The following HADHB variants were observed in gnomAD, a reference collection of about 807,000 sequenced individuals.
HADHB encodes the protein trifunctional enzyme subunit beta, mitochondrial.
A neutral mutation model predicts 61.9 loss-of-function variants in HADHB; 50 were observed. The observed-to-expected ratio is 0.81, with a 90% CI of 0.64 to 1.02. The LOEUF is 1.02. Ranked by LOEUF, HADHB falls within the 50% of genes least tolerant of loss-of-function variation. The pLI is 0.00. For missense variants in HADHB, 504 were observed against 586.5 expected (o/e 0.86, Z 1.45); for synonymous variants, 191 against 201.6 (o/e 0.95, Z 0.45).
intron 3 of HADHB, among the ~76,000 whole-genome samples, chr2:26,262,891 C>A (rs527378187): frequency 1.3e-5 from 2 of 152,036 alleles, no homozygotes; most frequent in South Asian, 2.1e-4. Flanking sequence ...TAGAAACTTA[C>A]AAATGCTAGT....
intron 4 of HADHB, 60 bp downstream of exon 4, chr2:26,263,539 C>T: frequency 9.6e-7 from 1 of 1,046,942 alleles, no homozygotes; most frequent in Admixed American, 1.7e-5. Flanking sequence ...CAAAAGTAGT[C>T]TTTGTAAATG....
At chr2:26,245,155 T>C (rs1671075852) in intron 1 of HADHB, 165 bp downstream of exon 1, 1 of 215,346 alleles carries the variant, frequency 4.6e-6, no homozygotes, top group South Asian at 6.7e-5. Flanking sequence ...CAGTGCTAGC[T>C]GCAGTTAGGA....
intron 3 of HADHB, among the ~76,000 whole-genome samples, chr2:26,260,236 C>A (rs562697843): frequency 2.0e-5 from 3 of 151,806 alleles, no homozygotes; most frequent in East Asian, 1.9e-4. Flanking sequence ...AGCGTACCAC[C>A]GTGCCCAGCT....
chr2:26,245,632 G>A (rs1671118784), intron 1 of HADHB, among the ~76,000 whole-genome samples: 1 of 151,982 alleles, frequency 6.6e-6, no homozygotes, highest in African/African-American at 2.4e-5. Context: ...TTTTACCCAT[G>A]GCCATATGTA....
chr2:26,251,519 TC>T (rs1205409554), intron 1 of HADHB, among the ~76,000 whole-genome samples: 1 of 152,094 alleles, frequency 6.6e-6, no homozygotes, highest in Non-Finnish European at 1.5e-5. Context: ...GCAACAAGGT[TC>T]CCCCTTTTGT....
At chr2:26,270,022 G>T (rs112452535) in intron 5 of HADHB, 25 bp downstream of exon 5, 1 of 1,516,720 alleles carries the variant, frequency 6.6e-7, no homozygotes, top group Non-Finnish European at 9.2e-7. Flanking sequence ...TTTCATTTCC[G>T]TTCTTATTTC....
intron 3 of HADHB, 41 bp from the exon 4 acceptor site, chr2:26,263,339 A>T: frequency 8.7e-7 from 1 of 1,143,674 alleles, no homozygotes; most frequent in Non-Finnish European, 1.3e-6. Context: ...GACTTTATAT[A>T]TTTTAATTAG....
intron 4 of HADHB, among the ~76,000 whole-genome samples, chr2:26,267,273 G>A (rs1021382074): frequency 2.0e-5 from 3 of 152,020 alleles, no homozygotes; most frequent in Admixed American, 6.6e-5. Flanking sequence ...AATGATTAGG[G>A]CTGAGCCAGA....
intron 8 of HADHB, 42 bp from the exon 9 acceptor site, chr2:26,279,093 C>A: frequency 1.3e-6 from 2 of 1,486,702 alleles, no homozygotes; most frequent in Non-Finnish European, 1.9e-6. Context: ...AGCATAACAC[C>A]GGTTAACAGT....
At chr2:26,274,434 C>T (rs1389913665) in intron 6 of HADHB, among the ~76,000 whole-genome samples, 2 of 152,208 alleles carry the variant, frequency 1.3e-5, no homozygotes, top group Non-Finnish European at 2.9e-5. Context: ...TAGTTCTGGT[C>T]TGTGCTTGCC....
rs535007768 is a variant in HADHB at position 26,255,704 on chromosome 2, C to G, written c.109+1230C>G. On this transcript the variant is annotated intron_variant, in intron 3 of 15. Transcript: ENST00000317799. ...TCAGCCTCATATAGTTATGAGATAT[C>G]TCAAAGCACTTTAAAAACTATAAAT... 5.3e-5 allele frequency among the ~76,000 whole-genome samples: 8 copies of G among 152,224 alleles called. No homozygotes were observed. In the South Asian group the frequency reaches 1.5e-3, roughly 28 times the overall value.
intron 1 of HADHB, among the ~76,000 whole-genome samples, chr2:26,247,000 TTA>T (rs1574635436): frequency 6.6e-6 from 1 of 152,238 alleles, no homozygotes; most frequent in African/African-American, 2.4e-5. Flanking sequence ...AGTAACTGGC[TTA>T]AAGTCATACA....
At position 26,261,212 on chromosome 2, in the gene HADHB, A is replaced by AC. The variant is rs70950178; in HGVS notation, c.110-2158dup. On this transcript the variant is annotated intron_variant, in intron 3 of 15. Coordinates refer to ENST00000317799, the MANE Select transcript of HADHB (RefSeq NM_000183.3). Reference sequence around the variant, plus strand: ...CCAAAACAACAACAACACAACAAATACCCCCCCCCCATCCAGACAAACAAA... The same window carrying AC: ...CCAAAACAACAACAACACAACAAATACCCCCCCCCCCATCCAGACAAACAAA... The AC allele has an allele frequency of 0.17, 61,203 of 364,050 alleles. 1,807 individuals carry two copies. Among genetic ancestry groups the AC allele is most frequent in the Non-Finnish European group, 0.2 (40,966 of 204,040 alleles). 22.6% of individuals were successfully genotyped at this position (364,050 alleles called of 1,614,324 possible).
intron 7 of HADHB, among the ~76,000 whole-genome samples, chr2:26,277,384 C>A (rs1672574228): frequency 6.6e-6 from 1 of 151,882 alleles, no homozygotes; most frequent in Non-Finnish European, 1.5e-5. Context: ...TCTACAGGTG[C>A]TCCACCACAC....
intron 3 of HADHB, among the ~76,000 whole-genome samples, chr2:26,259,827 G>A (rs375974735): frequency 3.3e-5 from 5 of 152,210 alleles, no homozygotes; most frequent in Admixed American, 1.3e-4. Context: ...GAATGTGAAC[G>A]AGGCCCAAGA....
Position 26,282,874 on chromosome 2 carries a change from G to A in HADHB, c.963G>A (p.Met321Ile). Residue 321 changes from methionine to isoleucine, a missense_variant, in exon 11 of 16, where the codon ATG (methionine) becomes ATA (isoleucine). Coordinates refer to ENST00000317799, the MANE Select transcript of HADHB (RefSeq NM_000183.3). ...LTDGASAMLI[M>I]AEEKALAMGY... ...ATGGTGCATCTGCAATGTTAATCAT[G>A]GCGGAGGAAAAGGCTCTGGCCATGG... 1 of 1,613,048 alleles carries A rather than the reference G, an allele frequency of 6.2e-7. No homozygotes were observed. Among genetic ancestry groups the A allele is most frequent in the Non-Finnish European group, 8.5e-7 (1 of 1,179,220 alleles).
intron 1 of HADHB, among the ~76,000 whole-genome samples, chr2:26,245,967 G>T (rs1294259400): frequency 6.6e-6 from 1 of 152,174 alleles, no homozygotes; most frequent in African/African-American, 2.4e-5. Context: ...AGCTCTGCAG[G>T]ACAGGAAACA....
intron 15 of HADHB, 66 bp downstream of exon 15, chr2:26,285,637 A>T: frequency 8.2e-7 from 1 of 1,213,094 alleles, no homozygotes; most frequent in Non-Finnish European, 1.1e-6. Context: ...AGAATGTATG[A>T]TTTAGTTTGA....
intron 4 of HADHB, among the ~76,000 whole-genome samples, chr2:26,266,871 CA>C (rs56401595): frequency 0.031 from 1,426 of 45,362 alleles, 18 homozygotes; most frequent in African/African-American, 0.13. Context: ...CACTCTCTCT[CA>C]AAAAAAAAAA....
Sources: allele counts gnomAD v4.1 joint callset (sites outside exome capture counted in the v4.1 genomes callset), GRCh38; gene constraint gnomAD v4.1.1; transcripts MANE v1.5; gene names NCBI Gene and HGNC (gene_info 2026-07-23, HGNC 2026-07-21).